UNC5C: variants seen among roughly 807,000 people sequenced by gnomAD.
The protein encoded by UNC5C is netrin receptor UNC5C.
UNC5C carries 47 observed loss-of-function variants against 99.8 expected under a neutral mutation model. The observed-to-expected ratio is 0.47, with a 90% CI of 0.37 to 0.60. The LOEUF is 0.60. Among genes scored for constraint, UNC5C ranks in the 20% least tolerant of loss-of-function variants. The pLI is 0.00. For missense variants in UNC5C, 1,062 were observed against 1,165.9 expected (o/e 0.91, Z 1.30); for synonymous variants, 487 against 452.2 (o/e 1.08, Z -0.98).
chr4:95,186,806 C>T lies in UNC5C; in HGVS notation c.2137-1610G>A, dbSNP rs918946071. Among the ~76,000 whole-genome samples, 9 of 152,120 alleles carry T rather than the reference C, an allele frequency of 5.9e-5. No individual in the cohort carries two copies. The South Asian group carries it at 1.9e-3, about 32-fold the overall frequency. On this transcript the variant is annotated intron_variant, in intron 12 of 15. Coordinates refer to ENST00000453304, the MANE Select transcript of UNC5C (RefSeq NM_003728.4). ...GAGTAGCTATGGCTTGTGACAGGAG[C>T]CCGAGCAGTCAGCCAGCCCCCAGCC...
chr4:95,528,661 G>A (rs542798320), intron 1 of UNC5C, among the ~76,000 whole-genome samples: 1 of 152,158 alleles, frequency 6.6e-6, no homozygotes, highest in Non-Finnish European at 1.5e-5. Flanking sequence ...ATTTTGCACT[G>A]CAGAAATGTA....
At chr4:95,418,646 C>T (rs772456115) in intron 1 of UNC5C, among the ~76,000 whole-genome samples, 3 of 152,162 alleles carry the variant, frequency 2.0e-5, no homozygotes, top group Non-Finnish European at 4.4e-5. Flanking sequence ...CCATGCCTCT[C>T]TGACTCCTGA....
chr4:95,417,066 G>A (rs1746185073), intron 1 of UNC5C, among the ~76,000 whole-genome samples: 1 of 152,170 alleles, frequency 6.6e-6, no homozygotes, highest in Non-Finnish European at 1.5e-5. Flanking sequence ...CAAGGTAAGT[G>A]TGAGAAGCAA....
chr4:95,333,506 G>A (rs1743205548), intron 2 of UNC5C, among the ~76,000 whole-genome samples: 1 of 149,102 alleles, frequency 6.7e-6, no homozygotes, highest in Non-Finnish European at 1.5e-5. Flanking sequence ...TCACTCATAG[G>A]TGGGAATTGA....
intron 1 of UNC5C, among the ~76,000 whole-genome samples, chr4:95,472,477 A>T (rs1293816971): frequency 6.6e-6 from 1 of 152,158 alleles, no homozygotes; most frequent in African/African-American, 2.4e-5. Context: ...TTTTTTAAGT[A>T]ATAGTTTTGT....
chr4:95,351,738 C>A (rs984860225), intron 1 of UNC5C, among the ~76,000 whole-genome samples: 3 of 152,048 alleles, frequency 2.0e-5, no homozygotes, highest in African/African-American at 7.2e-5. Context: ...AGTGCTAATG[C>A]CATCCACCAT....
chr4:95,308,505 C>A (rs1440130626), intron 2 of UNC5C, among the ~76,000 whole-genome samples: 1 of 151,974 alleles, frequency 6.6e-6, no homozygotes, highest in African/African-American at 2.4e-5. Context: ...GTAATCCCAG[C>A]ACTTTGGGAG....
rs1265291795 is a variant in UNC5C, at chr4:95,244,848, T to C, written c.943+129A>G. 97 of 1,238,230 alleles carry C rather than the reference T, an allele frequency of 7.8e-5. 1 individual carries two copies. Among genetic ancestry groups the C allele is most frequent in the Non-Finnish European group, 3.1e-5 (27 of 871,394 alleles). The allele number at this position is 1,238,230 out of a possible 1,614,324, so 76.7% of individuals were successfully genotyped here. ...CTTGATTTCCCAGCAATGTAAACAG[T>C]GAGTAGGATGGATTTAAATAACGTT... On this transcript the variant is annotated intron_variant, in intron 6 of 15. Coordinates refer to ENST00000453304, the MANE Select transcript of UNC5C (RefSeq NM_003728.4).
At chr4:95,395,757 A>C (rs551867860) in intron 1 of UNC5C, among the ~76,000 whole-genome samples, 1 of 152,320 alleles carries the variant, frequency 6.6e-6, no homozygotes, top group South Asian at 2.1e-4. Flanking sequence ...AGGCCAAAAA[A>C]GCTGTAGGGC....
intron 1 of UNC5C, among the ~76,000 whole-genome samples, chr4:95,448,215 T>TGA: frequency 1.1e-5 from 1 of 93,862 alleles, no homozygotes; most frequent in African/African-American, 3.7e-5. Context: ...TGTGTGTGTG[T>TGA]GTGTGTGTGT....
At chr4:95,383,262 T>TACAC (rs35068196) in intron 1 of UNC5C, among the ~76,000 whole-genome samples, 5,950 of 150,918 alleles carry the variant, frequency 0.039, 367 homozygotes, top group Admixed American at 0.15. Flanking sequence ...TGTGTGTGTT[T>TACAC]ACACACACAC....
chr4:95,414,061 G>A (rs954671382), intron 1 of UNC5C, among the ~76,000 whole-genome samples: 4 of 152,184 alleles, frequency 2.6e-5, no homozygotes, highest in African/African-American at 9.7e-5. Context: ...AGATGTATGT[G>A]TTACCCCCAA....
chr4:95,470,236 C>T (rs1747925159), intron 1 of UNC5C, among the ~76,000 whole-genome samples: 2 of 152,042 alleles, frequency 1.3e-5, no homozygotes, highest in African/African-American at 4.8e-5. Context: ...TCGAGTTCAC[C>T]TGCAATGTTT....
intron 12 of UNC5C, among the ~76,000 whole-genome samples, chr4:95,190,634 A>G (rs916118403): frequency 6.6e-6 from 1 of 152,078 alleles, no homozygotes; most frequent in African/African-American, 2.4e-5. Flanking sequence ...GTACAGTTCT[A>G]TCTGCACCCC....
At chr4:95,177,802 A>G (rs888452990) in intron 14 of UNC5C, among the ~76,000 whole-genome samples, 1 of 151,784 alleles carries the variant, frequency 6.6e-6, no homozygotes, top group Non-Finnish European at 1.5e-5. Context: ...CTTGGGCTCA[A>G]GCGATCCTCC....
At chr4:95,398,432 C>T (rs755658425) in intron 1 of UNC5C, among the ~76,000 whole-genome samples, 3 of 151,292 alleles carry the variant, frequency 2.0e-5, no homozygotes, top group Non-Finnish European at 3.0e-5. Flanking sequence ...ACTTCATTCA[C>T]TCATTCATTC....
chr4:95,233,718 T>TTGA (rs1169916503), intron 7 of UNC5C, among the ~76,000 whole-genome samples: 1 of 152,110 alleles, frequency 6.6e-6, no homozygotes, highest in South Asian at 2.1e-4. Context: ...GGCAGATCAC[T>TTGA]TGAGGTCAGG....
At chr4:95,271,306 C>A (rs1364431170) in intron 4 of UNC5C, among the ~76,000 whole-genome samples, 1 of 151,960 alleles carries the variant, frequency 6.6e-6, no homozygotes, top group East Asian at 1.9e-4. Flanking sequence ...CGGCTCACTG[C>A]AAGCTCCGCC....
chr4:95,276,996 TAAAAG>T (rs1479969228), intron 4 of UNC5C, among the ~76,000 whole-genome samples: 2 of 152,166 alleles, frequency 1.3e-5, no homozygotes, highest in African/African-American at 4.8e-5. Flanking sequence ...TTATTACTAT[TAAAAG>T]AACAATCAGA....
Sources: gnomAD v4.1 joint callset for allele counts (sites outside exome capture counted in the v4.1 genomes callset) on GRCh38, gnomAD v4.1.1 for gene constraint, MANE v1.5 for transcripts, NCBI Gene and HGNC (gene_info 2026-07-23, HGNC 2026-07-21) for gene names.